Variants in MAD1L1 observed in about 807,000 individuals in gnomAD.
The protein encoded by MAD1L1 is mitotic spindle assembly checkpoint protein MAD1.
A neutral mutation model predicts 96.9 loss-of-function variants in MAD1L1; 95 were observed. That is an observed-to-expected ratio of 0.98 (90% CI 0.83 to 1.16). The LOEUF is 1.16. MAD1L1 is among the 50% of genes most tolerant of loss of function. The pLI is 0.00. For missense variants in MAD1L1, 1,007 were observed against 954.4 expected, an observed-to-expected ratio of 1.06 and a Z score of -0.73; for synonymous variants, 473 against 396.6, an observed-to-expected ratio of 1.19 and a Z score of -2.29.
chr7:2,023,962 A>C (rs544968015), intron 12 of MAD1L1, among the ~76,000 whole-genome samples: 7 of 151,940 alleles, frequency 4.6e-5, no homozygotes, highest in African/African-American at 7.2e-5. Context: ...AAAATAAATA[A>C]ATAAAAATAA....
At chr7:2,081,943 A>G (rs1785673274) in intron 11 of MAD1L1, among the ~76,000 whole-genome samples, 1 of 152,228 alleles carries the variant, frequency 6.6e-6, no homozygotes, top group African/African-American at 2.4e-5. Flanking sequence ...CAATAACAGC[A>G]AGGTAGCAGC....
chr7:1,956,770 A>T (rs1279116657), intron 16 of MAD1L1, among the ~76,000 whole-genome samples: 2 of 152,250 alleles, frequency 1.3e-5, no homozygotes, highest in Non-Finnish European at 2.9e-5. Context: ...AGGCCCCATC[A>T]GGTGTTCACC....
intron 10 of MAD1L1, among the ~76,000 whole-genome samples, chr7:2,197,298 A>G (rs1792041996): frequency 6.6e-6 from 1 of 152,182 alleles, no homozygotes. Context: ...TAGCAGACAT[A>G]TGCCCGGCTA....
intron 10 of MAD1L1, among the ~76,000 whole-genome samples, chr7:2,186,086 A>C (rs1791445999): frequency 6.6e-6 from 1 of 152,264 alleles, no homozygotes; most frequent in South Asian, 2.1e-4. Flanking sequence ...ACATCAATGA[A>C]TGTTATCAGA....
chr7:1,990,590 C>T (rs1056636419), intron 14 of MAD1L1, among the ~76,000 whole-genome samples: 17 of 152,274 alleles, frequency 1.1e-4, no homozygotes, highest in Admixed American at 3.3e-4. Context: ...GGGCATGTCC[C>T]GGCCGAATGT....
intron 18 of MAD1L1, among the ~76,000 whole-genome samples, chr7:1,886,375 C>T (rs571776594): frequency 3.9e-5 from 6 of 152,360 alleles, no homozygotes; most frequent in African/African-American, 1.4e-4. Context: ...TGTCTACACC[C>T]GTTGGCAGCA....
chr7:1,976,306 G>GT (rs1438641941), intron 15 of MAD1L1, among the ~76,000 whole-genome samples: 1 of 152,244 alleles, frequency 6.6e-6, no homozygotes, highest in Non-Finnish European at 1.5e-5. Flanking sequence ...TGTGTCTGGA[G>GT]TTTGTTCCTT....
chr7:1,994,454 C>T (rs886466713), intron 14 of MAD1L1, among the ~76,000 whole-genome samples: 1 of 152,116 alleles, frequency 6.6e-6, no homozygotes, highest in Non-Finnish European at 1.5e-5. Flanking sequence ...GGGACATCAC[C>T]GTAGGCAGGG....
chr7:1,955,695 C>T (rs1779695607), intron 16 of MAD1L1, among the ~76,000 whole-genome samples: 1 of 152,160 alleles, frequency 6.6e-6, no homozygotes, highest in Non-Finnish European at 1.5e-5. Context: ...AGGCCCCTCC[C>T]CCGGTTCCTC....
intron 17 of MAD1L1, among the ~76,000 whole-genome samples, chr7:1,912,655 A>T (rs1467485100): frequency 6.6e-6 from 1 of 152,160 alleles, no homozygotes; most frequent in Non-Finnish European, 1.5e-5. Flanking sequence ...AGCTCCAGGC[A>T]GACCCAGCCT....
At chr7:1,940,773 T>C (rs986784884) in intron 16 of MAD1L1, among the ~76,000 whole-genome samples, 1 of 152,148 alleles carries the variant, frequency 6.6e-6, no homozygotes, top group Non-Finnish European at 1.5e-5. Context: ...TCCCAAAATA[T>C]TCTTCTTTTG....
chr7:2,102,432 C>T (rs926040067), intron 11 of MAD1L1, among the ~76,000 whole-genome samples: 1 of 146,782 alleles, frequency 6.8e-6, no homozygotes, highest in Non-Finnish European at 1.5e-5. Flanking sequence ...ACCACTGTCA[C>T]CCTCACCACC....
intron 12 of MAD1L1, among the ~76,000 whole-genome samples, chr7:2,051,012 G>T (rs1584191994): frequency 6.6e-6 from 1 of 152,208 alleles, no homozygotes; most frequent in Non-Finnish European, 1.5e-5. Context: ...CAAGATCAAG[G>T]TTATTCAAAG....
intron 18 of MAD1L1, chr7:1,872,589 TCCAGGACGCAGC>T (rs1302526977): frequency 6.6e-6 from 1 of 152,202 alleles, no homozygotes; most frequent in East Asian, 1.9e-4. Context: ...GAAAATCACC[TCCAGGACGCAGC>T]CCAGGGCAGA....
intron 15 of MAD1L1, among the ~76,000 whole-genome samples, chr7:1,966,501 A>G (rs940579279): frequency 1.3e-5 from 2 of 151,536 alleles, no homozygotes; most frequent in Non-Finnish European, 2.9e-5. Flanking sequence ...AATTCACAGA[A>G]AAGTGAATTG....
intron 10 of MAD1L1, chr7:2,200,158 C>G (rs1792210529): frequency 6.6e-6 from 1 of 152,380 alleles, no homozygotes; most frequent in South Asian, 2.1e-4. Flanking sequence ...GCCAGGTGTG[C>G]ACCACCCTAC....
chr7:1,888,638 A>G, intron 18 of MAD1L1, among the ~76,000 whole-genome samples: 1 of 147,818 alleles, frequency 6.8e-6, no homozygotes, highest in East Asian at 2.0e-4. Context: ...GTGCATGTGG[A>G]TGCCTGTGTG....
chr7:1,858,341 G>A (rs1784359662), intron 18 of MAD1L1, among the ~76,000 whole-genome samples: 1 of 152,244 alleles, frequency 6.6e-6, no homozygotes, highest in African/African-American at 2.4e-5. Context: ...GGCCCACTCT[G>A]GGCATGACAG....
At chr7:2,215,798 C>T in intron 9 of MAD1L1, 87 bp downstream of exon 9, 1 of 1,210,154 alleles carries the variant, frequency 8.3e-7, no homozygotes, top group South Asian at 1.3e-5. Flanking sequence ...TGTAGGTGAG[C>T]AGCTGGTGGG....
Sources: gnomAD v4.1 joint callset for allele counts (sites outside exome capture counted in the v4.1 genomes callset) on GRCh38, gnomAD v4.1.1 for gene constraint, MANE v1.5 for transcripts, NCBI Gene and HGNC (gene_info 2026-07-23, HGNC 2026-07-21) for gene names.